Variants in KRT71 observed in about 807,000 individuals in gnomAD.
KRT71 encodes the protein keratin 71, also known as keratin, type II cytoskeletal 71.
In KRT71, 42 loss-of-function variants were observed where a neutral mutation model predicts 46.2. That is an observed-to-expected ratio of 0.91 (90% CI 0.71 to 1.18). The LOEUF (loss-of-function observed/expected upper bound fraction) is 1.18. Among genes scored for constraint, KRT71 ranks in the 50% most tolerant of loss-of-function variants. The pLI, the probability that KRT71 is intolerant of heterozygous loss-of-function variation, is 0.00. For missense variants in KRT71, 708 were observed against 677.9 expected (o/e 1.04, Z -0.49); for synonymous variants, 292 against 277.8 (o/e 1.05, Z -0.51).
In KRT71 at chr12:52,553,035, C is replaced by G. The variant is rs749718215; in HGVS notation, c.43G>C (p.Gly15Arg). 4.4e-6 allele frequency: 7 copies of G among 1,599,648 alleles called. No individual in the cohort carries two copies. In the African/African-American group the frequency reaches 5.4e-5, roughly 12 times the overall value. ...ACAGCTGAGCAGCCACTGAAGCCCC[C>G]CTTGGCGGCAGCTCCCGACTTGCAG... The part of the protein sequence containing the change: ...FTCKSGAAAK[G>R]GFSGCSAVLS... The change falls in exon 1 of 9, where the codon GGG becomes CGG. Residue 15 changes from glycine to arginine, a missense_variant. Physicochemically the swap from Gly to Arg is moderately radical, Grantham distance 125. Transcript: ENST00000267119.
chr12:52,549,330 C>G lies in KRT71; in HGVS notation c.680G>C (p.Arg227Pro), dbSNP rs774639201. 1.8e-5 allele frequency: 29 copies of G among 1,613,890 alleles called. No homozygotes were observed. Among genetic ancestry groups the G allele is most frequent in the Non-Finnish European group, 2.5e-5 (29 of 1,179,828 alleles). ...KKRYEEEINK[R>P]TAAENEFVLL... ...CACAAACTCGTTCTCTGCTGCTGTCCGCTTGTTGATTTCCTCCTCATACCT... is the reference window on the plus strand; with the variant it reads ...CACAAACTCGTTCTCTGCTGCTGTCGGCTTGTTGATTTCCTCCTCATACCT... Residue 227 changes from arginine to proline, a missense_variant, in exon 3 of 9, where the codon CGG becomes CCG. By Grantham distance (103) the Arg-to-Pro change is moderately radical. Coordinates refer to ENST00000267119, the MANE Select transcript of KRT71 (RefSeq NM_033448.3).
chr12:52,548,168 G>A lies in KRT71; in HGVS notation c.962C>T (p.Ala321Val), dbSNP rs772010266. 8.7e-6 allele frequency: 14 copies of A among 1,613,510 alleles called. No individual in the cohort carries two copies. In the African/African-American group the frequency reaches 1.5e-4, roughly 17 times the overall value. ...IALKSKAEAE[A>V]LYQTKFQELQ... ...CCAGCTCACCTTGGTCTGGTACAGG[G>A]CCTCAGCCTCGGCCTTACTCTTCAA... The change falls in exon 5 of 9, where the codon GCC becomes GTC. Residue 321 changes from alanine to valine, a missense_variant. Physicochemically the swap from Ala to Val is moderately conservative, Grantham distance 64. Transcript: ENST00000267119.
chr12:52,549,452 A>G, intron 2 of KRT71, 99 bp from the exon 3 acceptor site: 1 of 1,018,908 alleles, frequency 9.8e-7, no homozygotes, highest in Non-Finnish European at 1.5e-6. Flanking sequence ...ATCAGAAGAT[A>G]CAGGTGCTGG....
chr12:52,552,125 C>A (rs1355591724), intron 1 of KRT71, among the ~76,000 whole-genome samples: 1 of 152,242 alleles, frequency 6.6e-6, no homozygotes, highest in Non-Finnish European at 1.5e-5. Flanking sequence ...CACAAGAGCA[C>A]CGTGGAGTCC....
intron 3 of KRT71, 69 bp downstream of exon 3, chr12:52,549,224 A>G (rs2120574682): frequency 8.4e-7 from 1 of 1,195,178 alleles, no homozygotes; most frequent in Non-Finnish European, 1.3e-6. Flanking sequence ...CTAACAGAGC[A>G]CCTTGGCAGG....
chr12:52,552,140 C>G (rs1009280293), intron 1 of KRT71, among the ~76,000 whole-genome samples: 1 of 152,232 alleles, frequency 6.6e-6, no homozygotes, highest in African/African-American at 2.4e-5. Context: ...GAGTCCCCTT[C>G]CCCAGTGCCC....
intron 7 of KRT71, among the ~76,000 whole-genome samples, chr12:52,545,804 T>TAA (rs1939047546): frequency 6.6e-6 from 1 of 152,122 alleles, no homozygotes; most frequent in African/African-American, 2.4e-5. Context: ...ACAACCCTAG[T>TAA]CAAACAATAG....
At chr12:52,547,404 C>T (rs1939075342) in intron 6 of KRT71, among the ~76,000 whole-genome samples, 1 of 152,168 alleles carries the variant, frequency 6.6e-6, no homozygotes, top group South Asian at 2.1e-4. Context: ...ATGGGTGCTC[C>T]CTGAGCCCAT....
At position 52,549,269 on chromosome 12, in the gene KRT71, A is replaced by C. The variant is rs373915200; in HGVS notation, c.717+24T>G. ...TCCAGGTCCCAGGCCAGCCCCCGGGACTCAGGGCCTGCCTTCCCCTCACCT... is the reference window on the plus strand; with the variant it reads ...TCCAGGTCCCAGGCCAGCCCCCGGGCCTCAGGGCCTGCCTTCCCCTCACCT... On this transcript the variant is annotated intron_variant, in intron 3 of 8. Coordinates refer to ENST00000267119, the MANE Select transcript of KRT71 (RefSeq NM_033448.3). The C allele has an allele frequency of 1.8e-5, 28 of 1,599,576 alleles. No individual in the cohort carries two copies. The East Asian group carries it at 5.4e-4, about 31-fold the overall frequency.
At position 52,552,655 on chromosome 12, in the gene KRT71, G is replaced by C; in HGVS notation, c.423C>G (p.Phe141Leu). Residue 141 changes from phenylalanine to leucine, a missense_variant, in exon 1 of 9, where the codon TTC becomes TTG. Coordinates refer to ENST00000267119, the MANE Select transcript of KRT71 (RefSeq NM_033448.3). ...GACCCACCTTGTCGATGAAGGAGGC[G>C]AACTTGTTGTTCAGAGCCTTGATCT... is the stretch of plus-strand genomic sequence containing the variant. ...REQIKALNNKFASFIDKVRFL... is the reference protein window; with the variant it reads ...REQIKALNNKLASFIDKVRFL... The C allele has an allele frequency of 6.2e-7, 1 of 1,611,464 alleles. No homozygotes were observed. Among genetic ancestry groups the C allele is most frequent in the Non-Finnish European group, 8.5e-7 (1 of 1,178,756 alleles).
intron 6 of KRT71, among the ~76,000 whole-genome samples, chr12:52,547,301 C>T (rs370247423): frequency 7.2e-5 from 11 of 152,294 alleles, no homozygotes; most frequent in East Asian, 3.9e-4. Context: ...CCATTGCTAT[C>T]GTATATGTAC....
In KRT71 at chr12:52,545,572, G is replaced by A. The variant is rs1939044008; in HGVS notation, c.1353C>T (p.Val451=). 1 of 1,559,568 alleles carries A rather than the reference G, an allele frequency of 6.4e-7. No homozygotes were observed. The highest frequency in any genetic ancestry group is 1.1e-5 in the South Asian group (1 of 87,920). ...AAGTATACAAATACTTACAGATGCT[G>A]ACAGGGGAGGGAAATTCTCCTGACA... is the stretch of plus-strand genomic sequence containing the variant. ...CRMSGEFPSP[V]SISIISSTSG... is the part of the protein sequence containing the mutation. Residue 451 remains valine, a synonymous_variant, in exon 8 of 9, where the codon GTC becomes GTT. Transcript: ENST00000267119.
rs753220154 is a variant in KRT71 at position 52,550,115 on chromosome 12, C to G, written c.570G>C (p.Lys190Asn). The change falls in exon 2 of 9, where the codon AAG (lysine) becomes AAC (asparagine). Residue 190 changes from lysine to asparagine, a missense_variant. Coordinates refer to ENST00000267119, the MANE Select transcript of KRT71 (RefSeq NM_033448.3). Reference sequence around the variant, plus strand: ...TGTCCCCAGACAGCGTCTCCAGCTGCTTCCGCAGGTTGCTGATGTAGCCCT... The same window carrying G: ...TGTCCCCAGACAGCGTCTCCAGCTGGTTCCGCAGGTTGCTGATGTAGCCCT... ...ILEGYISNLR[K>N]QLETLSGDRV... 18 of 1,614,080 alleles carry G rather than the reference C, an allele frequency of 1.1e-5. No homozygotes were observed. The highest frequency in any genetic ancestry group is 1.4e-5 in the Non-Finnish European group (17 of 1,180,052).
chr12:52,546,649 C>CAGAAGGGG, intron 6 of KRT71, 143 bp from the exon 7 acceptor site: 8 of 800,466 alleles, frequency 1.0e-5, no homozygotes, highest in Non-Finnish European at 1.5e-5. Context: ...AGCAGAGCCC[C>CAGAAGGGG]TTCTGGGGCT....
Position 52,552,888 on chromosome 12 carries a change from C to A in KRT71, c.190G>T (p.Gly64Trp). ...VRSLNVASGS[G>W]KSGGYGFGRG... ...CCAAATCCATAGCCTCCACTCTTCC[C>A]GCTGCCACTGGCCACATTGAGGCTC... Residue 64 changes from glycine to tryptophan, a missense_variant, in exon 1 of 9, where the codon GGG (glycine) becomes TGG (tryptophan). Coordinates refer to ENST00000267119, the MANE Select transcript of KRT71 (RefSeq NM_033448.3). The A allele has an allele frequency of 1.2e-6, 2 of 1,614,204 alleles. No individual in the cohort carries two copies.
At position 52,547,907 on chromosome 12, in the gene KRT71, T is replaced by A. The variant is rs1241308110; in HGVS notation, c.1054A>T (p.Thr352Ser). The change falls in exon 6 of 9, where the codon ACT becomes TCT. Residue 352 changes from threonine to serine, a missense_variant. Thr to Ser is a moderately conservative substitution (Grantham distance 58). Transcript: ENST00000267119. The stretch of plus-strand genomic sequence containing the variant: ...GAGCGGATTCTCTGGATGAGCCGAG[T>A]GAGCTCCGAGATTTCATTCTTGGTG... Reference protein sequence around the residue: ...KNTKNEISELTRLIQRIRSEI... With the variant: ...KNTKNEISELSRLIQRIRSEI... 6.2e-7 allele frequency: 1 copy of A among 1,614,198 alleles called. No homozygotes were observed. The highest frequency in any genetic ancestry group is 8.5e-7 in the Non-Finnish European group (1 of 1,180,038).
intron 1 of KRT71, among the ~76,000 whole-genome samples, chr12:52,550,989 A>G (rs1565602692): frequency 6.6e-6 from 1 of 152,230 alleles, no homozygotes; most frequent in Non-Finnish European, 1.5e-5. Context: ...CAGAAACACA[A>G]GACATGGGAA....
chr12:52,552,932 T>C lies in KRT71; in HGVS notation c.146A>G (p.Tyr49Cys), dbSNP rs1939198982. ...LSGGFGSRSL[Y>C]SLGGVRSLNV... is the part of the protein sequence containing the mutation. ...GAGGCTCCGGACACCCCCCAGGCTG[T>C]AGAGGCTCCGGCTGCCAAAGCCCCC... Residue 49 changes from tyrosine to cysteine, a missense_variant, in exon 1 of 9, where the codon TAC (tyrosine) becomes TGC (cysteine). By Grantham distance (194) the Tyr-to-Cys change is radical. Coordinates refer to ENST00000267119, the MANE Select transcript of KRT71 (RefSeq NM_033448.3). 1.2e-6 allele frequency: 2 copies of C among 1,614,028 alleles called. No individual in the cohort carries two copies. The highest frequency in any genetic ancestry group is 1.3e-5 in the African/African-American group (1 of 74,940).
chr12:52,551,130 C>T lies in KRT71; in HGVS notation c.442-887G>A, dbSNP rs187148041. ...GATCTACGAGGCTGAGCATTAACCA[C>T]AGAGTAAATCCTGCATCTGAGACAC... On this transcript the variant is annotated intron_variant, in intron 1 of 8. Transcript: ENST00000267119. 3.3e-5 allele frequency among the ~76,000 whole-genome samples: 5 copies of T among 152,328 alleles called. No homozygotes were observed. In the East Asian group the frequency reaches 9.6e-4, roughly 29 times the overall value.
Sources: allele counts gnomAD v4.1 joint callset (sites outside exome capture counted in the v4.1 genomes callset), GRCh38; gene constraint gnomAD v4.1.1; transcripts MANE v1.5; gene names NCBI Gene and HGNC (gene_info 2026-07-23, HGNC 2026-07-21).